Variants in XXYLT1 observed in about 807,000 individuals in gnomAD.
XXYLT1 encodes xyloside xylosyltransferase 1, also known as UDP-xylose:alpha-xyloside alpha-1,3-xylosyltransferase.
In XXYLT1, 20 loss-of-function variants were observed where a neutral mutation model predicts 28.9. That is an observed-to-expected ratio of 0.69 (90% CI 0.49 to 1.00). The LOEUF is 1.00. Ranked by LOEUF, XXYLT1 falls within the 50% of genes least tolerant of loss-of-function variation. The probability of loss-of-function intolerance (pLI) is 0.00; values close to 1 mark genes in which losing one functional copy is unlikely to be tolerated. For synonymous variants in XXYLT1, 257 were observed against 253.8 expected (o/e 1.01, Z -0.12); for missense variants, 542 against 560.1 (o/e 0.97, Z 0.33).
At chr3:195,205,418 T>A (rs1055362128) in intron 2 of XXYLT1, among the ~76,000 whole-genome samples, 5 of 152,224 alleles carry the variant, frequency 3.3e-5, no homozygotes, top group African/African-American at 1.2e-4. Flanking sequence ...AAAGGTTACA[T>A]ACTTTAGGAT....
rs140006171 is a variant in XXYLT1, at chr3:195,206,626, G to A, written c.652+20083C>T. On this transcript the variant is annotated intron_variant, in intron 2 of 3. Transcript: ENST00000310380. Reference sequence around the variant, plus strand: ...TCTACTAAAAATACAAAAATTAGCCGGGCGTGGTGGCACGTGCCTGTAATC... The same window carrying A: ...TCTACTAAAAATACAAAAATTAGCCAGGCGTGGTGGCACGTGCCTGTAATC... Among the ~76,000 whole-genome samples the A allele has an allele frequency of 2.4e-3, 358 of 151,744 alleles. 1 individual carries two copies. The highest frequency in any genetic ancestry group is 0.018 in the East Asian group (92 of 5,132).
intron 1 of XXYLT1, among the ~76,000 whole-genome samples, chr3:195,249,366 C>G (rs973172095): frequency 6.6e-6 from 1 of 152,206 alleles, no homozygotes; most frequent in Admixed American, 6.5e-5. Flanking sequence ...GGGCTCACAT[C>G]AGGCATACGG....
chr3:195,180,252 G>A lies in XXYLT1; in HGVS notation c.653-23671C>T. 1.1e-6 allele frequency: 1 copy of A among 925,152 alleles called. No homozygotes were observed. 57.3% of individuals were successfully genotyped at this position (925,152 alleles called of 1,614,324 possible). ...CGTCTCTGCACTGACACCGGGGGTG[G>A]TGAGTGGCACACTCGGTCCCCCAGT... On this transcript the variant is annotated intron_variant, in intron 2 of 3. Coordinates refer to ENST00000310380, the MANE Select transcript of XXYLT1 (RefSeq NM_152531.5). This position sits in a 1 kb window ranked among gnomAD's most constrained non-coding sequence, Gnocchi z 5.8.
intron 1 of XXYLT1, among the ~76,000 whole-genome samples, chr3:195,230,636 T>A (rs758264549): frequency 6.6e-6 from 1 of 152,196 alleles, no homozygotes; most frequent in Non-Finnish European, 1.5e-5. Flanking sequence ...TTAAAGAGAT[T>A]GTCCTTTCCC....
Position 195,141,790 on chromosome 3 carries a change from C to G in XXYLT1, c.785+14659G>C, listed in dbSNP as rs1260054036. ...AATGGCCACCTGTGTAAAGGTACCC[C>G]TCACACTTTAGTTAGACTTTACTTC... On this transcript the variant is annotated intron_variant, in intron 3 of 3. Transcript: ENST00000310380. Among the ~76,000 whole-genome samples the G allele has an allele frequency of 2.0e-5, 3 of 152,210 alleles. No individual in the cohort carries two copies. In the East Asian group the frequency reaches 5.8e-4, roughly 29 times the overall value.
intron 1 of XXYLT1, among the ~76,000 whole-genome samples, chr3:195,242,672 G>A (rs1724830120): frequency 1.3e-5 from 2 of 152,130 alleles, no homozygotes; most frequent in Non-Finnish European, 2.9e-5. Flanking sequence ...TCTGCATAGG[G>A]CCCAGGGAAT....
chr3:195,148,419 G>C (rs1719988737), intron 3 of XXYLT1, among the ~76,000 whole-genome samples: 1 of 151,410 alleles, frequency 6.6e-6, no homozygotes, highest in African/African-American at 2.4e-5. Flanking sequence ...AACTCTGATA[G>C]AAACTGACAG....
chr3:195,121,889 T>G (rs1718378821), intron 3 of XXYLT1: 1 of 625,414 alleles, frequency 1.6e-6, no homozygotes, highest in East Asian at 2.7e-5. Flanking sequence ...AAAGGCATCG[T>G]CTAGCACTGG....
chr3:195,103,633 G>C (rs1226685064), intron 3 of XXYLT1, among the ~76,000 whole-genome samples: 1 of 152,200 alleles, frequency 6.6e-6, no homozygotes, highest in African/African-American at 2.4e-5. Context: ...CCTTTACCTA[G>C]ACTCAGATAA....
At position 195,078,674 on chromosome 3, in the gene XXYLT1, G is replaced by A. The variant is rs913444749; in HGVS notation, c.786-8563C>T. On this transcript the variant is annotated intron_variant, in intron 3 of 3. Transcript: ENST00000310380. The surrounding 1 kb of genome is among the most constrained non-coding windows in gnomAD (Gnocchi z 5.0). ...AGAATGACACCCAGACAGTACCTCA[G>A]TACCCCTCCACGAAGTAGAGATGCA... Among the ~76,000 whole-genome samples, 5 of 151,988 alleles carry A rather than the reference G, an allele frequency of 3.3e-5. No homozygotes were observed. The highest frequency in any genetic ancestry group is 9.7e-5 in the African/African-American group (4 of 41,344).
intron 2 of XXYLT1, among the ~76,000 whole-genome samples, chr3:195,174,856 C>T (rs988876074): frequency 6.6e-6 from 1 of 151,948 alleles, no homozygotes; most frequent in African/African-American, 2.4e-5. Flanking sequence ...TCAAGCGATC[C>T]TCCCTCCTTG....
In XXYLT1 at chr3:195,117,114, T is replaced by TACACACACACACACAC. The variant is rs10633458; in HGVS notation, c.785+39319_785+39334dup. On this transcript the variant is annotated intron_variant, in intron 3 of 3. Coordinates refer to ENST00000310380, the MANE Select transcript of XXYLT1 (RefSeq NM_152531.5). ...AAACATCCTATATATATATAGTGTATACACACACACACACACACACACACA... is the reference window on the plus strand; with the variant it reads ...AAACATCCTATATATATATAGTGTATACACACACACACACACACACACACACACACACACACACACA... 8.5e-3 allele frequency among the ~76,000 whole-genome samples: 1,262 copies of TACACACACACACACAC among 148,726 alleles called. 9 individuals carry two copies. The highest frequency in any genetic ancestry group is 0.02 in the African/African-American group (791 of 40,390).
At chr3:195,113,716 A>C (rs779768742) in intron 3 of XXYLT1, among the ~76,000 whole-genome samples, 26 of 152,158 alleles carry the variant, frequency 1.7e-4, no homozygotes, top group Non-Finnish European at 2.8e-4. Context: ...AGCTTGGCTG[A>C]GGGAGCCTGC....
At chr3:195,089,381 TAAAGA>T (rs903320168) in intron 3 of XXYLT1, among the ~76,000 whole-genome samples, 2 of 152,084 alleles carry the variant, frequency 1.3e-5, no homozygotes, top group African/African-American at 4.8e-5. Flanking sequence ...TCAACATTCT[TAAAGA>T]AAAGGATTTT....
chr3:195,144,543 A>T (rs9808913), intron 3 of XXYLT1, among the ~76,000 whole-genome samples: 29,378 of 151,336 alleles, frequency 0.19, 3,339 homozygotes, highest in East Asian at 0.42. Context: ...CACTTGGCAA[A>T]TTTTTTGTAT....
At chr3:195,232,809 C>G (rs1389335003) in intron 1 of XXYLT1, among the ~76,000 whole-genome samples, 1 of 152,150 alleles carries the variant, frequency 6.6e-6, no homozygotes, top group Non-Finnish European at 1.5e-5. Context: ...TATGGTCTAT[C>G]CTTGAGAATG....
intron 2 of XXYLT1, among the ~76,000 whole-genome samples, chr3:195,190,243 C>T (rs1722362002): frequency 6.6e-6 from 1 of 151,880 alleles, no homozygotes; most frequent in Non-Finnish European, 1.5e-5. Flanking sequence ...GCCTGTAATC[C>T]CAGCACTTTG....
chr3:195,186,562 A>G (rs1324276553), intron 2 of XXYLT1, among the ~76,000 whole-genome samples: 1 of 151,978 alleles, frequency 6.6e-6, no homozygotes, highest in African/African-American at 2.4e-5. Flanking sequence ...GCTAAGTCCC[A>G]CCCACTTGTC....
intron 3 of XXYLT1, among the ~76,000 whole-genome samples, chr3:195,071,635 G>A (rs2108635432): frequency 6.6e-6 from 1 of 151,532 alleles, no homozygotes; most frequent in East Asian, 2.0e-4. Flanking sequence ...AGCAAACTGA[G>A]ATGCTGTCAT....
Sources: allele counts gnomAD v4.1 joint callset (sites outside exome capture counted in the v4.1 genomes callset), GRCh38; gene constraint gnomAD v4.1.1; non-coding constraint Gnocchi (gnomAD v3.1); transcripts MANE v1.5; gene names NCBI Gene and HGNC (gene_info 2026-07-23, HGNC 2026-07-21).